The following DOK6 variants were observed in gnomAD, a reference collection of about 807,000 sequenced individuals.
The protein encoded by DOK6 is docking protein 6.
In DOK6, 22 loss-of-function variants were observed where a neutral mutation model predicts 44.0. The ratio of observed to expected loss-of-function variants is 0.50; its 90% CI spans 0.36 to 0.71. The LOEUF is 0.71. Among genes scored for constraint, DOK6 ranks in the 30% least tolerant of loss-of-function variants. DOK6 has a pLI of 0.00. For missense variants in DOK6, 340 were observed against 416.4 expected (o/e 0.82, Z 1.60); for synonymous variants, 166 against 145.5 (o/e 1.14, Z -1.01).
rs574957560 is a variant in DOK6, at chr18:69,579,833, C to T, written c.174+15239C>T. On this transcript the variant is annotated intron_variant, in intron 2 of 7. Coordinates refer to ENST00000382713, the MANE Select transcript of DOK6 (RefSeq NM_152721.6). ...TCCTAACCTCATGGAGAGATTCTCTCACGAGGAGAGATCCTCGTGGAGCGG... is the reference window on the plus strand; with the variant it reads ...TCCTAACCTCATGGAGAGATTCTCTTACGAGGAGAGATCCTCGTGGAGCGG... Among the ~76,000 whole-genome samples, 440 of 151,832 alleles carry T rather than the reference C, an allele frequency of 2.9e-3. 1 individual carries two copies. Among genetic ancestry groups the T allele is most frequent in the Middle Eastern group, 0.01 (3 of 294 alleles).
intron 2 of DOK6, among the ~76,000 whole-genome samples, chr18:69,581,736 C>T (rs1983374106): frequency 1.3e-5 from 2 of 152,226 alleles, no homozygotes; most frequent in Admixed American, 6.5e-5. Context: ...CTTTTCTATA[C>T]TTCCTACAGA....
chr18:69,556,864 C>T (rs1982699972), intron 1 of DOK6, among the ~76,000 whole-genome samples: 1 of 152,210 alleles, frequency 6.6e-6, no homozygotes, highest in Non-Finnish European at 1.5e-5. Context: ...ATCCTGTGCA[C>T]TGACTACTTT....
In DOK6 at chr18:69,677,805, C is replaced by A. The variant is rs866377160; in HGVS notation, c.361C>A (p.Leu121Ile). ...CLGTRLNDISLGEPDLLAAGV... is the reference protein window; with the variant it reads ...CLGTRLNDISIGEPDLLAAGV... ...GGGGACCAGGCTCAATGATATCAGC[C>A]TTGGGGAGCCCGACCTTCTGGCCGC... The change falls in exon 4 of 8, where the codon CTT (leucine) becomes ATT (isoleucine). Residue 121 changes from leucine (L) to isoleucine (I), a missense_variant. Leu to Ile is a conservative substitution (Grantham distance 5). Coordinates refer to ENST00000382713, the MANE Select transcript of DOK6 (RefSeq NM_152721.6). 1 of 1,613,698 alleles carries A rather than the reference C, an allele frequency of 6.2e-7. No individual in the cohort carries two copies. Among genetic ancestry groups the A allele is most frequent in the African/African-American group, 1.3e-5 (1 of 74,920 alleles).
chr18:69,697,132 A>T (rs12962218), intron 4 of DOK6, among the ~76,000 whole-genome samples: 12,573 of 151,452 alleles, frequency 0.083, 680 homozygotes, highest in African/African-American at 0.16. Context: ...TAATTCAAAT[A>T]TTTTTTTTGG....
chr18:69,465,211 G>A (rs1352657766), intron 1 of DOK6, among the ~76,000 whole-genome samples: 5 of 152,006 alleles, frequency 3.3e-5, no homozygotes, highest in Non-Finnish European at 7.4e-5. Context: ...TAAAATAATG[G>A]AAATCAGATA....
Position 69,548,889 on chromosome 18 carries a change from C to G in DOK6, c.67-15598C>G, listed in dbSNP as rs541516764. On this transcript the variant is annotated intron_variant, in intron 1 of 7. Coordinates refer to ENST00000382713, the MANE Select transcript of DOK6 (RefSeq NM_152721.6). ...CGGGCGGATCACGAGGTCAGGAGAT[C>G]AAGACCATCCTGGCTAACATGGTGA... 9.9e-5 allele frequency among the ~76,000 whole-genome samples: 15 copies of G among 151,334 alleles called. No homozygotes were observed. The South Asian group carries it at 1.5e-3, about 15-fold the overall frequency.
chr18:69,631,215 C>T (rs192022590), intron 3 of DOK6, among the ~76,000 whole-genome samples: 1 of 152,150 alleles, frequency 6.6e-6, no homozygotes, highest in East Asian at 1.9e-4. Flanking sequence ...TATGAGAAGA[C>T]ATATTTGCTA....
At chr18:69,608,574 C>A (rs1330971518) in intron 3 of DOK6, among the ~76,000 whole-genome samples, 2 of 152,032 alleles carry the variant, frequency 1.3e-5, no homozygotes, top group African/African-American at 2.4e-5. Context: ...TGCACTGAAT[C>A]TGTGGATTGT....
chr18:69,660,698 G>A (rs543093999), intron 3 of DOK6: 5 of 143,324 alleles, frequency 3.5e-5, no homozygotes, highest in East Asian at 2.0e-4. Flanking sequence ...TTGAGATGGA[G>A]TCTCGCTCTG....
chr18:69,740,463 G>T (rs972465245), intron 6 of DOK6, among the ~76,000 whole-genome samples: 2 of 152,136 alleles, frequency 1.3e-5, no homozygotes, highest in Admixed American at 1.3e-4. Context: ...CTTGCTATTA[G>T]TTAACCTCTG....
At chr18:69,435,148 G>A (rs1355981322) in intron 1 of DOK6, among the ~76,000 whole-genome samples, 1 of 152,072 alleles carries the variant, frequency 6.6e-6, no homozygotes, top group African/African-American at 2.4e-5. Flanking sequence ...TGAGGTTGCA[G>A]CTGCGGTCTT....
At chr18:69,772,318 C>T (rs191709407) in intron 7 of DOK6, among the ~76,000 whole-genome samples, 2 of 151,932 alleles carry the variant, frequency 1.3e-5, no homozygotes, top group East Asian at 1.9e-4. Flanking sequence ...TCAATGCAAT[C>T]CCCAAAAAAA....
At chr18:69,809,372 T>G (rs1599337094) in intron 7 of DOK6, among the ~76,000 whole-genome samples, 1 of 151,416 alleles carries the variant, frequency 6.6e-6, no homozygotes, top group East Asian at 1.9e-4. Context: ...AAGTTGAAAA[T>G]TTTTCTCTAA....
At chr18:69,703,353 C>T (rs7240028) in intron 5 of DOK6, among the ~76,000 whole-genome samples, 101,419 of 152,012 alleles carry the variant, frequency 0.67, 34,261 homozygotes, top group East Asian at 0.89. Flanking sequence ...TTTCATTTAT[C>T]GAACACTATG....
At chr18:69,640,440 T>C (rs1264659563) in intron 3 of DOK6, among the ~76,000 whole-genome samples, 1 of 152,188 alleles carries the variant, frequency 6.6e-6, no homozygotes, top group Non-Finnish European at 1.5e-5. Flanking sequence ...TCTATGCCCT[T>C]AGGTAATTTG....
chr18:69,620,186 T>C (rs1471417858), intron 3 of DOK6, among the ~76,000 whole-genome samples: 1 of 152,176 alleles, frequency 6.6e-6, no homozygotes, highest in Non-Finnish European at 1.5e-5. Context: ...GTGATTACTA[T>C]ACTCACATAG....
intron 3 of DOK6, among the ~76,000 whole-genome samples, chr18:69,666,429 TTC>T (rs1985658758): frequency 1.3e-5 from 2 of 151,014 alleles, no homozygotes; most frequent in Admixed American, 1.3e-4. Flanking sequence ...TATTCTTTAT[TTC>T]TTTTATTTTT....
chr18:69,447,812 A>G (rs1191353045), intron 1 of DOK6, among the ~76,000 whole-genome samples: 2 of 152,188 alleles, frequency 1.3e-5, no homozygotes, highest in Non-Finnish European at 2.9e-5. Context: ...AGATATTTTA[A>G]AAGTAAACAT....
At chr18:69,652,732 C>T (rs1217239420) in intron 3 of DOK6, among the ~76,000 whole-genome samples, 2 of 152,114 alleles carry the variant, frequency 1.3e-5, no homozygotes, top group Non-Finnish European at 2.9e-5. Context: ...GGCCTTGGCT[C>T]ATTTCCCAGC....
Sources: gnomAD v4.1 joint callset for allele counts (sites outside exome capture counted in the v4.1 genomes callset) on GRCh38, gnomAD v4.1.1 for gene constraint, MANE v1.5 for transcripts, NCBI Gene and HGNC (gene_info 2026-07-23, HGNC 2026-07-21) for gene names.